Variants in FRMD5 observed in about 807,000 individuals in gnomAD.
FRMD5 encodes the protein FERM domain-containing protein 5.
Under a neutral mutation model 69.0 loss-of-function variants are expected in FRMD5, and 20 were observed. That is an observed-to-expected ratio of 0.29 (90% CI 0.20 to 0.42). The LOEUF is 0.42. FRMD5 is among the 10% of genes least tolerant of loss of function. The pLI, the probability that FRMD5 is intolerant of heterozygous loss-of-function variation, is 1.00. For synonymous variants in FRMD5, 271 were observed against 260.1 expected (o/e 1.04, Z -0.40); for missense variants, 595 against 708.6 (o/e 0.84, Z 1.82).
intron 1 of FRMD5, among the ~76,000 whole-genome samples, chr15:43,978,848 G>A (rs917577338): frequency 3.3e-5 from 5 of 151,874 alleles, no homozygotes; most frequent in African/African-American, 1.2e-4. Flanking sequence ...CACCACACCC[G>A]GCCAAGTTTT....
chr15:44,166,829 AT>A (rs1477522618), intron 1 of FRMD5, among the ~76,000 whole-genome samples: 2 of 150,860 alleles, frequency 1.3e-5, no homozygotes, highest in Non-Finnish European at 3.0e-5. Context: ...TTGTGCAAAG[AT>A]TAAAAAATAC....
At chr15:43,962,965 G>T (rs368861682) in intron 1 of FRMD5, among the ~76,000 whole-genome samples, 3 of 152,058 alleles carry the variant, frequency 2.0e-5, no homozygotes, top group African/African-American at 7.2e-5. Flanking sequence ...AGAAGAAAAC[G>T]TAGGCAATAC....
chr15:44,171,920 GC>G (rs1275973200), intron 1 of FRMD5, among the ~76,000 whole-genome samples: 8 of 151,942 alleles, frequency 5.3e-5, no homozygotes, highest in African/African-American at 1.9e-4. Flanking sequence ...GCGCCACCAT[GC>G]CCCAGCTAAT....
intron 1 of FRMD5, among the ~76,000 whole-genome samples, chr15:44,098,119 A>C (rs1195929017): frequency 9.1e-6 from 1 of 109,702 alleles, no homozygotes; most frequent in Non-Finnish European, 1.9e-5. Context: ...ACAAAACAAA[A>C]AAAAAAAAAC....
chr15:43,965,594 T>C (rs2090280892), intron 1 of FRMD5, among the ~76,000 whole-genome samples: 2 of 150,444 alleles, frequency 1.3e-5, no homozygotes, highest in Non-Finnish European at 3.0e-5. Flanking sequence ...TTTTTTTTTT[T>C]TTTTGAGACA....
chr15:43,962,911 T>C (rs1345414611), intron 1 of FRMD5, among the ~76,000 whole-genome samples: 1 of 152,274 alleles, frequency 6.6e-6, no homozygotes, highest in East Asian at 1.9e-4. Context: ...TAATTCAAGA[T>C]GGATTAAAGA....
At chr15:44,144,844 C>T (rs140382867) in intron 1 of FRMD5, among the ~76,000 whole-genome samples, 4,104 of 152,218 alleles carry the variant, frequency 0.027, 100 homozygotes, top group Non-Finnish European at 0.039. Flanking sequence ...ATTGAGGAAA[C>T]CTGTGCTTGT....
At chr15:43,959,559 T>C (rs2090164617) in intron 1 of FRMD5, among the ~76,000 whole-genome samples, 1 of 152,226 alleles carries the variant, frequency 6.6e-6, no homozygotes, top group Non-Finnish European at 1.5e-5. Flanking sequence ...GACTGGGAGA[T>C]GAGACACAAG....
upstream of FRMD5, among the ~76,000 whole-genome samples, chr15:44,198,146 C>CAATAAT (rs564213987): frequency 6.0e-5 from 9 of 150,838 alleles, no homozygotes; most frequent in South Asian, 4.2e-4. Flanking sequence ...CCCATAGCTA[C>CAATAAT]AATAATAATA....
At chr15:43,949,535 T>C (rs1317317036) in intron 1 of FRMD5, among the ~76,000 whole-genome samples, 1 of 152,222 alleles carries the variant, frequency 6.6e-6, no homozygotes, top group African/African-American at 2.4e-5. Flanking sequence ...CAAATGGTCC[T>C]AGAAGCCAGT....
intron 1 of FRMD5, among the ~76,000 whole-genome samples, chr15:43,968,857 A>C (rs183972658): frequency 1.3e-5 from 2 of 152,314 alleles, no homozygotes; most frequent in Non-Finnish European, 2.9e-5. Context: ...AAATACCTAG[A>C]ATTTTAAAGT....
intron 7 of FRMD5, among the ~76,000 whole-genome samples, chr15:43,901,300 T>A (rs2089040020): frequency 6.6e-6 from 1 of 152,234 alleles, no homozygotes; most frequent in Non-Finnish European, 1.5e-5. Flanking sequence ...CAGTCTGTGA[T>A]ACTTGTTACA....
At chr15:44,180,355 T>C (rs1473985252) in intron 1 of FRMD5, among the ~76,000 whole-genome samples, 1 of 152,218 alleles carries the variant, frequency 6.6e-6, no homozygotes, top group Admixed American at 6.5e-5. Context: ...ATGGACTTTA[T>C]AGCAAATAAC....
intron 1 of FRMD5, among the ~76,000 whole-genome samples, chr15:43,982,948 T>G (rs2043503276): frequency 1.7e-5 from 1 of 59,540 alleles, no homozygotes; most frequent in Non-Finnish European, 5.7e-5. Flanking sequence ...AATCTTTTTT[T>G]GAGATGGAAT....
At chr15:44,018,776 G>C (rs1460708988) in intron 1 of FRMD5, among the ~76,000 whole-genome samples, 2 of 152,082 alleles carry the variant, frequency 1.3e-5, no homozygotes, top group African/African-American at 4.8e-5. Context: ...CTGTCTCCTT[G>C]TCCTCCATGT....
intron 1 of FRMD5, among the ~76,000 whole-genome samples, chr15:44,049,597 A>C (rs900743759): frequency 6.6e-6 from 1 of 152,232 alleles, no homozygotes; most frequent in East Asian, 1.9e-4. Context: ...AAAAGATAGA[A>C]TAGATATTTG....
At chr15:44,101,683 T>G (rs535720298) in intron 1 of FRMD5, among the ~76,000 whole-genome samples, 1 of 152,334 alleles carries the variant, frequency 6.6e-6, no homozygotes, top group South Asian at 2.1e-4. Flanking sequence ...GTAGATACAT[T>G]CCAGGTCCTA....
chr15:44,027,176 G>GC (rs1315072465), intron 1 of FRMD5, among the ~76,000 whole-genome samples: 1 of 152,030 alleles, frequency 6.6e-6, no homozygotes. Flanking sequence ...TCTATATTAC[G>GC]TCCCTATAAC....
chr15:44,112,684 C>T (rs530486323), intron 1 of FRMD5, among the ~76,000 whole-genome samples: 1 of 152,188 alleles, frequency 6.6e-6, no homozygotes, highest in South Asian at 2.1e-4. Context: ...CCAGGATGGT[C>T]TCGATCTCAT....
Sources: gnomAD v4.1 joint callset for allele counts (sites outside exome capture counted in the v4.1 genomes callset) on GRCh38, gnomAD v4.1.1 for gene constraint, MANE v1.5 for transcripts, NCBI Gene and HGNC (gene_info 2026-07-23, HGNC 2026-07-21) for gene names.